Variants in RBMS3 observed in about 807,000 individuals in gnomAD.
RBMS3 encodes RNA binding motif single stranded interacting protein 3.
RBMS3 carries 27 observed loss-of-function variants against 66.8 expected under a neutral mutation model. That is an observed-to-expected ratio of 0.40 (90% CI 0.30 to 0.56). RBMS3 has a LOEUF of 0.56. RBMS3 is among the 20% of genes least tolerant of loss of function. The probability of loss-of-function intolerance (pLI) is 0.40; values close to 1 mark genes in which losing one functional copy is unlikely to be tolerated. For synonymous variants in RBMS3, 188 were observed against 183.0 expected, an observed-to-expected ratio of 1.03 and a Z score of -0.22; for missense variants, 513 against 549.5, an observed-to-expected ratio of 0.93 and a Z score of 0.66.
intron 6 of RBMS3, among the ~76,000 whole-genome samples, chr3:29,844,450 A>G (rs1215346941): frequency 6.6e-6 from 1 of 152,222 alleles, no homozygotes; most frequent in Non-Finnish European, 1.5e-5. Flanking sequence ...AAACATTGCC[A>G]TTAACTAATG....
At chr3:29,763,373 A>G (rs1272857897) in intron 6 of RBMS3, among the ~76,000 whole-genome samples, 1 of 152,110 alleles carries the variant, frequency 6.6e-6, no homozygotes, top group Non-Finnish European at 1.5e-5. Context: ...CAGCCCTGAA[A>G]CATTTCTTAC....
chr3:29,418,590 T>C (rs555317226), intron 1 of RBMS3, among the ~76,000 whole-genome samples: 1 of 152,272 alleles, frequency 6.6e-6, no homozygotes, highest in South Asian at 2.1e-4. Flanking sequence ...CTCTTCTGCA[T>C]GACTAAACTG....
intron 1 of RBMS3, among the ~76,000 whole-genome samples, chr3:29,387,748 A>AAAAT (rs61674233): frequency 0.022 from 3,383 of 151,954 alleles, 144 homozygotes; most frequent in African/African-American, 0.078. Context: ...TAAAAAATAC[A>AAAAT]AAATAAATAA....
intron 6 of RBMS3, among the ~76,000 whole-genome samples, chr3:29,828,158 C>T (rs114502509): frequency 0.014 from 2,135 of 152,082 alleles, 46 homozygotes; most frequent in African/African-American, 0.048. Context: ...ATCTATTAGC[C>T]GTGCTGTCCT....
chr3:29,784,316 T>C (rs1273313969), intron 6 of RBMS3, among the ~76,000 whole-genome samples: 2 of 151,936 alleles, frequency 1.3e-5, no homozygotes, highest in Non-Finnish European at 2.9e-5. Context: ...TTTAAGAAAA[T>C]TGAAATTATA....
intron 4 of RBMS3, 131 bp downstream of exon 4, chr3:29,587,336 T>C: frequency 3.6e-6 from 2 of 551,368 alleles, no homozygotes; most frequent in East Asian, 6.8e-5. Flanking sequence ...ATTTCTCCTT[T>C]GCTCTGAGCT....
intron 4 of RBMS3, among the ~76,000 whole-genome samples, chr3:29,657,370 C>A (rs1304291789): frequency 6.6e-6 from 1 of 152,178 alleles, no homozygotes; most frequent in Non-Finnish European, 1.5e-5. Flanking sequence ...TTGACGGGTG[C>A]TTTTTAACCT....
At chr3:29,624,811 A>G (rs1330981527) in intron 4 of RBMS3, among the ~76,000 whole-genome samples, 1 of 152,216 alleles carries the variant, frequency 6.6e-6, no homozygotes, top group Non-Finnish European at 1.5e-5. Flanking sequence ...TAGAAGGTTC[A>G]GTGTATGACG....
chr3:29,296,055 AG>A (rs2033240012), intron 1 of RBMS3, among the ~76,000 whole-genome samples: 1 of 151,774 alleles, frequency 6.6e-6, no homozygotes, highest in African/African-American at 2.4e-5. Flanking sequence ...ACAAGCTGAA[AG>A]GGAACCCTCA....
At chr3:29,451,786 C>G (rs185065309) in intron 2 of RBMS3, among the ~76,000 whole-genome samples, 1 of 152,274 alleles carries the variant, frequency 6.6e-6, no homozygotes, top group African/African-American at 2.4e-5. Flanking sequence ...ATATTCTTTG[C>G]TAGCCAGCTT....
intron 12 of RBMS3, among the ~76,000 whole-genome samples, chr3:29,953,404 T>A (rs1316565133): frequency 6.6e-6 from 1 of 151,938 alleles, no homozygotes; most frequent in Admixed American, 6.6e-5. Flanking sequence ...TTGTTGATAA[T>A]CTTCGAAAAT....
At chr3:29,822,302 A>G (rs2058095050) in intron 6 of RBMS3, among the ~76,000 whole-genome samples, 1 of 152,180 alleles carries the variant, frequency 6.6e-6, no homozygotes, top group Admixed American at 6.6e-5. Flanking sequence ...TATTTCTACC[A>G]GTTTCCCAGT....
chr3:29,379,703 C>T (rs72852306), intron 1 of RBMS3, among the ~76,000 whole-genome samples: 3,368 of 152,248 alleles, frequency 0.022, 126 homozygotes, highest in African/African-American at 0.077. Flanking sequence ...TTGGTGGGGA[C>T]ACAGCGAAGC....
chr3:29,989,328 TTAGGTACC>T (rs1423004833), intron 13 of RBMS3, among the ~76,000 whole-genome samples: 1 of 152,178 alleles, frequency 6.6e-6, no homozygotes, highest in Non-Finnish European at 1.5e-5. Flanking sequence ...GGTAAAACAC[TTAGGTACC>T]TATATTCTTC....
chr3:29,892,839 G>GTATGTATGTATT (rs2060035727), intron 8 of RBMS3, among the ~76,000 whole-genome samples: 2 of 86,686 alleles, frequency 2.3e-5, no homozygotes, highest in African/African-American at 4.9e-5. Context: ...ATGTATGTAT[G>GTATGTATGTATT]TATGTATTTA....
At chr3:29,482,123 T>C (rs2043147952) in intron 2 of RBMS3, among the ~76,000 whole-genome samples, 1 of 152,154 alleles carries the variant, frequency 6.6e-6, no homozygotes. Context: ...ATGTTAAATA[T>C]GCTGAAATGC....
intron 1 of RBMS3, among the ~76,000 whole-genome samples, chr3:29,289,496 A>C (rs1406211772): frequency 1.3e-5 from 2 of 151,952 alleles, no homozygotes; most frequent in African/African-American, 4.8e-5. Context: ...ATAATACATC[A>C]AATGGTTAAA....
At chr3:29,759,309 C>A (rs1309909510) in intron 5 of RBMS3, among the ~76,000 whole-genome samples, 1 of 152,032 alleles carries the variant, frequency 6.6e-6, no homozygotes, top group Non-Finnish European at 1.5e-5. Flanking sequence ...TCAAACAGGA[C>A]CTTTAATGTG....
intron 1 of RBMS3, among the ~76,000 whole-genome samples, chr3:29,353,357 TATC>T (rs1277403062): frequency 6.6e-6 from 1 of 152,034 alleles, no homozygotes; most frequent in Non-Finnish European, 1.5e-5. Context: ...ATATTTTTAT[TATC>T]AGGAGTTTTT....
Sources: allele counts gnomAD v4.1 joint callset (sites outside exome capture counted in the v4.1 genomes callset), GRCh38; gene constraint gnomAD v4.1.1; transcripts MANE v1.5; gene names NCBI Gene and HGNC (gene_info 2026-07-23, HGNC 2026-07-21).